MEGF11: variants seen among roughly 807,000 people sequenced by gnomAD.
The protein encoded by MEGF11 is multiple EGF like domains 11.
A neutral mutation model predicts 146.6 loss-of-function variants in MEGF11; 126 were observed. The ratio of observed to expected loss-of-function variants is 0.86; its 90% CI spans 0.74 to 1.00. The LOEUF (loss-of-function observed/expected upper bound fraction) is 1.00. Among genes scored for constraint, MEGF11 ranks in the 50% least tolerant of loss-of-function variants. The pLI is 0.00. For missense variants in MEGF11, 1,509 were observed against 1,521.2 expected (o/e 0.99, Z 0.13); for synonymous variants, 532 against 583.4 (o/e 0.91, Z 1.27).
At chr15:65,974,727 G>A (rs147100880) in intron 7 of MEGF11, among the ~76,000 whole-genome samples, 237 of 152,286 alleles carry the variant, frequency 1.6e-3, no homozygotes, top group African/African-American at 5.5e-3. Flanking sequence ...CAGGCATGGC[G>A]GGGGCCTCTC....
chr15:66,024,382 C>G lies in MEGF11; in HGVS notation c.395-41894G>C, dbSNP rs749498887. Among the ~76,000 whole-genome samples the G allele has an allele frequency of 3.3e-5, 5 of 152,312 alleles. No homozygotes were observed. The East Asian group carries it at 9.7e-4, about 29-fold the overall frequency. On this transcript the variant is annotated intron_variant, in intron 5 of 25. Coordinates refer to ENST00000395614, the MANE Select transcript of MEGF11 (RefSeq NM_001385028.1). Reference sequence around the variant, plus strand: ...ACAAGTCTGGGAGGTGGGGATGTTACCTTTGGGATCTCACAGTGGAGGACA... The same window carrying G: ...ACAAGTCTGGGAGGTGGGGATGTTAGCTTTGGGATCTCACAGTGGAGGACA...
chr15:66,123,761 TC>T, intron 3 of MEGF11, 137 bp downstream of exon 3: 1 of 681,806 alleles, frequency 1.5e-6, no homozygotes, highest in South Asian at 1.8e-5. Context: ...AAAGAAGCCA[TC>T]AGCAGAGCAT....
At chr15:66,095,883 G>A (rs777413355) in intron 4 of MEGF11, among the ~76,000 whole-genome samples, 50 of 152,166 alleles carry the variant, frequency 3.3e-4, no homozygotes, top group Non-Finnish European at 6.0e-4. Context: ...CCTGAGAAGC[G>A]GCTAACCCAG....
chr15:66,146,314 C>T (rs943255723), intron 1 of MEGF11, among the ~76,000 whole-genome samples: 2 of 152,238 alleles, frequency 1.3e-5, no homozygotes, highest in Admixed American at 6.5e-5. Flanking sequence ...TTTGCCTCCC[C>T]TCTCCCGGCT....
chr15:65,986,421 AGAATATTCTGATTAAG>A (rs2081859007), intron 5 of MEGF11, among the ~76,000 whole-genome samples: 1 of 152,238 alleles, frequency 6.6e-6, no homozygotes, highest in Admixed American at 6.5e-5. Context: ...CATTCAATTT[AGAATATTCTGATTAAG>A]GAAGCAGAGA....
At chr15:66,080,276 A>C (rs566544803) in intron 5 of MEGF11, among the ~76,000 whole-genome samples, 4 of 152,352 alleles carry the variant, frequency 2.6e-5, no homozygotes, top group Middle Eastern at 3.4e-3. Flanking sequence ...GGAAAGCCTC[A>C]GACAGACCCA....
intron 5 of MEGF11, among the ~76,000 whole-genome samples, chr15:66,069,326 T>C (rs1182373931): frequency 2.0e-5 from 3 of 152,196 alleles, no homozygotes; most frequent in Non-Finnish European, 4.4e-5. Context: ...AGGGTTTGGA[T>C]GGGCAGGTGC....
intron 1 of MEGF11, among the ~76,000 whole-genome samples, chr15:66,154,990 GA>G (rs1307994058): frequency 6.6e-6 from 1 of 152,248 alleles, no homozygotes; most frequent in Non-Finnish European, 1.5e-5. Flanking sequence ...CCCTTCAGGG[GA>G]AACTGAAGGC....
At chr15:65,920,673 C>T (rs564300439) in intron 15 of MEGF11, among the ~76,000 whole-genome samples, 1 of 152,338 alleles carries the variant, frequency 6.6e-6, no homozygotes, top group South Asian at 2.1e-4. Flanking sequence ...GAAAAGAAAA[C>T]ATCTGGTTAT....
intron 1 of MEGF11, among the ~76,000 whole-genome samples, chr15:66,196,452 C>T (rs1216342065): frequency 6.6e-6 from 1 of 151,980 alleles, no homozygotes; most frequent in African/African-American, 2.4e-5. Context: ...AGCCTGGCAA[C>T]AGAGTGAGAC....
chr15:65,909,870 C>T (rs1293794624), intron 21 of MEGF11, 64 bp from the exon 22 acceptor site: 2 of 1,379,394 alleles, frequency 1.4e-6, no homozygotes, highest in Non-Finnish European at 2.0e-6. Context: ...CCAGTCTTCA[C>T]TTTGCGTAGC....
At chr15:65,976,111 CA>C (rs1460920282) in intron 7 of MEGF11, among the ~76,000 whole-genome samples, 3 of 146,452 alleles carry the variant, frequency 2.0e-5, no homozygotes, top group Non-Finnish European at 3.0e-5. Flanking sequence ...GATGTGATCT[CA>C]GCTCACTGCA....
chr15:65,910,861 C>G (rs1240184173), intron 21 of MEGF11, among the ~76,000 whole-genome samples: 1 of 152,156 alleles, frequency 6.6e-6, no homozygotes, highest in Non-Finnish European at 1.5e-5. Flanking sequence ...TCCTGAGATT[C>G]CCACTCCCAC....
intron 4 of MEGF11, among the ~76,000 whole-genome samples, chr15:66,105,157 C>T (rs940170760): frequency 6.6e-6 from 1 of 152,088 alleles, no homozygotes; most frequent in African/African-American, 2.4e-5. Context: ...GAAGCATGTG[C>T]TCTGATTAGG....
intron 7 of MEGF11, among the ~76,000 whole-genome samples, chr15:65,972,010 G>C (rs2081313960): frequency 1.3e-5 from 2 of 152,068 alleles, no homozygotes; most frequent in Non-Finnish European, 2.9e-5. Flanking sequence ...CAGAGAATAG[G>C]AAAGAGGTCT....
chr15:65,938,676 C>T (rs929927492), intron 10 of MEGF11, among the ~76,000 whole-genome samples: 3 of 152,134 alleles, frequency 2.0e-5, no homozygotes, highest in African/African-American at 7.2e-5. Flanking sequence ...ATCCAAAGGC[C>T]TGTTAATTAT....
intron 5 of MEGF11, among the ~76,000 whole-genome samples, chr15:65,999,429 C>A (rs1298864581): frequency 6.6e-6 from 1 of 152,174 alleles, no homozygotes; most frequent in Non-Finnish European, 1.5e-5. Context: ...TTAATGCTTC[C>A]TCCTTAGAGA....
chr15:66,111,074 G>A (rs554588262), intron 4 of MEGF11, among the ~76,000 whole-genome samples: 21 of 152,274 alleles, frequency 1.4e-4, no homozygotes, highest in Admixed American at 5.2e-4. Context: ...TCTGAAATCT[G>A]GGCCTGCCAC....
At chr15:65,910,908 A>C (rs544356845) in intron 21 of MEGF11, among the ~76,000 whole-genome samples, 17 of 152,302 alleles carry the variant, frequency 1.1e-4, no homozygotes, top group Non-Finnish European at 2.2e-4. Flanking sequence ...GTCTATGGGC[A>C]CAGGCACAGG....
Sources: gnomAD v4.1 joint callset for allele counts (sites outside exome capture counted in the v4.1 genomes callset) on GRCh38, gnomAD v4.1.1 for gene constraint, MANE v1.5 for transcripts, NCBI Gene and HGNC (gene_info 2026-07-23, HGNC 2026-07-21) for gene names.